Variants in ZNF471 observed in about 807,000 individuals in gnomAD.
ZNF471 encodes zinc finger protein 471, also known as EZFIT-related protein 1.
Under a neutral mutation model 13.7 loss-of-function variants are expected in ZNF471, and 7 were observed. The observed-to-expected ratio is 0.51, with a 90% confidence interval of 0.29 to 0.96. The LOEUF (loss-of-function observed/expected upper bound fraction) is 0.96, where lower values mean the gene tolerates loss of function less well. Ranked by LOEUF, ZNF471 falls within the 40% of genes least tolerant of loss-of-function variation. The pLI, the probability that ZNF471 is intolerant of heterozygous loss-of-function variation, is 0.08. For synonymous variants in ZNF471, 218 were observed against 235.6 expected (o/e 0.93, Z 0.68); for missense variants, 663 against 743.3 (o/e 0.89, Z 1.26).
chr19:56,516,721 A>C lies in ZNF471; in HGVS notation c.160+320A>C, dbSNP rs1432200022. On this transcript the variant is annotated intron_variant, in intron 3 of 4. Transcript: ENST00000308031. This position sits in a 1 kb window ranked among gnomAD's most constrained non-coding sequence, Gnocchi z 4.4. ...TAGACAACAACAAGGTTCACAAAGA[A>C]TATATAGCTAGATTACTATAAATTC... is the stretch of plus-strand genomic sequence containing the variant. 6.6e-6 allele frequency among the ~76,000 whole-genome samples: 1 copy of C among 152,230 alleles called. No homozygotes were observed. Among genetic ancestry groups the C allele is most frequent in the African/African-American group, 2.4e-5 (1 of 41,468 alleles).
chr19:56,519,155 A>G (rs1417271055), intron 4 of ZNF471, among the ~76,000 whole-genome samples: 1 of 152,090 alleles, frequency 6.6e-6, no homozygotes, highest in Non-Finnish European at 1.5e-5. Flanking sequence ...ATACCAAGCT[A>G]CTGAGTCTCT....
rs775460784 is a variant in ZNF471, at chr19:56,508,250, TGTGACA to T, written c.-56+332_-56+337del. ...GTTTCTGTGTGTGTGTGTGTGTGTG[TGTGACA>T]GACCGAGAGTCCAGTGTGAGACCAG... On this transcript the variant is annotated intron_variant, in intron 1 of 4. Transcript: ENST00000308031. This position sits in a 1 kb window ranked among gnomAD's most constrained non-coding sequence, Gnocchi z 4.7. 9,792 of 815,258 alleles carry T rather than the reference TGTGACA, an allele frequency of 0.012. 5 individuals are homozygous for T. Among genetic ancestry groups the T allele is most frequent in the Non-Finnish European group, 0.013 (8,974 of 679,330 alleles). The allele number at this position is 815,258 out of a possible 1,614,324, so 50.5% of individuals were successfully genotyped here.
intron 1 of ZNF471, among the ~76,000 whole-genome samples, chr19:56,511,149 T>G (rs1325020327): frequency 6.6e-6 from 1 of 151,340 alleles, no homozygotes; most frequent in Admixed American, 6.6e-5. Flanking sequence ...GGAGCCAGAT[T>G]TTCAAACAGT....
In ZNF471 at chr19:56,525,141, C is replaced by G; in HGVS notation, c.1074C>G (p.Asn358Lys). The change falls in exon 5 of 5, where the codon AAC becomes AAG. Residue 358 changes from asparagine (N) to lysine (K), a missense_variant. Asn to Lys is a moderately conservative substitution (Grantham distance 94). Transcript: ENST00000308031. ...CIECGKAFRY[N>K]TSFIRHWRSY... ...AGTGTGGGAAGGCTTTTAGGTATAA[C>G]ACATCTTTTATTCGTCACTGGAGGA... The G allele has an allele frequency of 6.2e-7, 1 of 1,614,088 alleles. No individual in the cohort carries two copies. The highest frequency in any genetic ancestry group is 1.7e-5 in the Admixed American group (1 of 60,022).
intron 3 of ZNF471, among the ~76,000 whole-genome samples, chr19:56,518,016 C>A (rs73629924): frequency 6.6e-6 from 1 of 151,916 alleles, no homozygotes; most frequent in African/African-American, 2.4e-5. Context: ...GCAGTGTGAG[C>A]GTCTATTGCT....
rs1198755964 is a variant in ZNF471 at position 56,525,305 on chromosome 19, G to A, written c.1238G>A (p.Ser413Asn). 6.2e-7 allele frequency: 1 copy of A among 1,611,870 alleles called. No homozygotes were observed. Among genetic ancestry groups the A allele is most frequent in the Admixed American group, 1.7e-5 (1 of 59,932 alleles). The change falls in exon 5 of 5, where the codon AGC becomes AAC. Residue 413 changes from serine (S) to asparagine (N), a missense_variant. Coordinates refer to ENST00000308031, the MANE Select transcript of ZNF471 (RefSeq NM_020813.4). ...TGTGGTGTGTGTGGAAAAACCTTCA[G>A]CTCGGGTTCATCCCGTACTGTACAT... ...YKCGVCGKTF[S>N]SGSSRTVHQR...
chr19:56,518,725 G>T, intron 4 of ZNF471, 148 bp downstream of exon 4: 1 of 570,642 alleles, frequency 1.8e-6, no homozygotes, highest in Non-Finnish European at 3.0e-6. Flanking sequence ...TGCTTCACAT[G>T]GGCCCCTCAA....
At chr19:56,523,541 A>G (rs2044001771) in intron 4 of ZNF471, among the ~76,000 whole-genome samples, 1 of 152,190 alleles carries the variant, frequency 6.6e-6, no homozygotes, top group Non-Finnish European at 1.5e-5. Context: ...TCACATTATG[A>G]AAAGATAACC....
chr19:56,520,415 G>A lies in ZNF471; in HGVS notation c.256+1838G>A, dbSNP rs550588679. Among the ~76,000 whole-genome samples the A allele has an allele frequency of 6.6e-5, 10 of 152,288 alleles. No individual in the cohort carries two copies. The South Asian group carries it at 1.2e-3, about 19-fold the overall frequency. On this transcript the variant is annotated intron_variant, in intron 4 of 4. Coordinates refer to ENST00000308031, the MANE Select transcript of ZNF471 (RefSeq NM_020813.4). ...AAAATGTGAGAAAACAGTAGATGAT[G>A]GACTCAGCATTCTGTGTCTTTTTCT... is the stretch of plus-strand genomic sequence containing the variant.
intron 1 of ZNF471, chr19:56,511,039 G>A: frequency 5.1e-6 from 5 of 985,180 alleles, no homozygotes; most frequent in Non-Finnish European, 6.0e-6. Flanking sequence ...GAGTGAAGAA[G>A]GAGGATAACC....
In ZNF471 at chr19:56,526,277, TCCC is replaced by T. The variant is rs2044045740; in HGVS notation, c.*331_*333del. 1 of 222,874 alleles carries T rather than the reference TCCC, an allele frequency of 4.5e-6. No individual in the cohort carries two copies. The highest frequency in any genetic ancestry group is 8.9e-6 in the Non-Finnish European group (1 of 112,460). 13.8% of individuals were successfully genotyped at this position (222,874 alleles called of 1,614,324 possible). On this transcript the variant is annotated 3_prime_UTR_variant, in exon 5 of 5. Transcript: ENST00000308031. ...AAGTGCAAGGAGTCGGGGATCTCCCTCCCCTAGCCAAGGGAAGCCATGAGGGAC... is the reference window on the plus strand; with the variant it reads ...AAGTGCAAGGAGTCGGGGATCTCCCTCTAGCCAAGGGAAGCCATGAGGGAC...
At position 56,518,269 on chromosome 19, in the gene ZNF471, C is replaced by A. The variant is rs139926872; in HGVS notation, c.161-213C>A. ...ATTCAGAAAATGTTGGGCTAAATTT[C>A]TGCCCTCAAGCCCCTCATAAAATAG... On this transcript the variant is annotated intron_variant, in intron 3 of 4. Coordinates refer to ENST00000308031, the MANE Select transcript of ZNF471 (RefSeq NM_020813.4). 1.0e-2 allele frequency among the ~76,000 whole-genome samples: 1,516 copies of A among 152,134 alleles called. 10 individuals carry two copies. Among genetic ancestry groups the A allele is most frequent in the Middle Eastern group, 0.014 (4 of 294 alleles).
In ZNF471 at chr19:56,511,550, A is replaced by T; in HGVS notation, c.-22A>T. On this transcript the variant is annotated 5_prime_UTR_variant, in exon 2 of 5. It introduces an in-frame stop codon into an upstream open reading frame of the 5' UTR. Transcript: ENST00000308031. ...TCCCAAGACACTGTTCTTCAAGAGA[A>T]AGACCAGAAGAGAAGGCAAAAATGA... 2 of 1,613,998 alleles carry T rather than the reference A, an allele frequency of 1.2e-6. 1 individual carries two copies. Among genetic ancestry groups the T allele is most frequent in the South Asian group, 2.2e-5 (2 of 91,040 alleles).
chr19:56,508,253 GACAGAC>G lies in ZNF471; in HGVS notation c.-56+334_-56+339del. ...TCTGTGTGTGTGTGTGTGTGTGTGTGACAGACCGAGAGTCCAGTGTGAGACCAGGGT... is the reference window on the plus strand; with the variant it reads ...TCTGTGTGTGTGTGTGTGTGTGTGTGCGAGAGTCCAGTGTGAGACCAGGGT... On this transcript the variant is annotated intron_variant, in intron 1 of 4. Transcript: ENST00000308031. This position sits in a 1 kb window ranked among gnomAD's most constrained non-coding sequence, Gnocchi z 4.7. The G allele has an allele frequency of 1.9e-6, 1 of 517,170 alleles. No homozygotes were observed. The highest frequency in any genetic ancestry group is 3.5e-5 in the African/African-American group (1 of 28,812). The allele number at this position is 517,170 out of a possible 1,614,324, so 32.0% of individuals were successfully genotyped here. A position where few individuals can be genotyped will look rare whatever the true frequency, so the allele number is the denominator to read the frequency against.
chr19:56,508,252 T>TGA lies in ZNF471; in HGVS notation c.-56+333_-56+334dup, dbSNP rs59346680. On this transcript the variant is annotated intron_variant, in intron 1 of 4. Coordinates refer to ENST00000308031, the MANE Select transcript of ZNF471 (RefSeq NM_020813.4). The surrounding 1 kb of genome is among the most constrained non-coding windows in gnomAD (Gnocchi z 4.7). ...TTCTGTGTGTGTGTGTGTGTGTGTG[T>TGA]GACAGACCGAGAGTCCAGTGTGAGA... is the stretch of plus-strand genomic sequence containing the variant. The TGA allele has an allele frequency of 1.6e-4, 126 of 782,628 alleles. No individual in the cohort carries two copies. The highest frequency in any genetic ancestry group is 1.4e-3 in the African/African-American group (74 of 51,546). The allele number at this position is 782,628 out of a possible 1,614,324, so 48.5% of individuals were successfully genotyped here. A position where few individuals can be genotyped will look rare whatever the true frequency, so the allele number is the denominator to read the frequency against.
chr19:56,524,653 C>T lies in ZNF471; in HGVS notation c.586C>T (p.His196Tyr). 6.3e-7 allele frequency: 1 copy of T among 1,583,626 alleles called. No individual in the cohort carries two copies. The highest frequency in any genetic ancestry group is 1.2e-5 in the South Asian group (1 of 84,716). ...CTCCAAAAATTCTATGGTAATAAAA[C>T]ACAAGAAAGTCTATGTAGGAAAGAA... ...SFSKNSMVIK[H>Y]KKVYVGKKLF... Residue 196 changes from histidine (H) to tyrosine (Y), a missense_variant, in exon 5 of 5, where the codon CAC becomes TAC. By Grantham distance (83) the His-to-Tyr change is moderately conservative. Transcript: ENST00000308031. The surrounding 1 kb of genome is among the most constrained non-coding windows in gnomAD (Gnocchi z 4.8).
Position 56,516,230 on chromosome 19 carries a change from T to C in ZNF471, c.34-45T>C, listed in dbSNP as rs1232189918. The C allele has an allele frequency of 1.2e-6, 2 of 1,600,994 alleles. No homozygotes were observed. The highest frequency in any genetic ancestry group is 1.7e-5 in the Admixed American group (1 of 59,422). ...ACTTTGGATCAACTCAGAGTTATCT[T>C]TGGACACGAGCATTGGTTGGTTAAG... On this transcript the variant is annotated intron_variant, in intron 2 of 4. Transcript: ENST00000308031. The surrounding 1 kb of genome is among the most constrained non-coding windows in gnomAD (Gnocchi z 4.4).
chr19:56,525,419 G>A lies in ZNF471; in HGVS notation c.1352G>A (p.Arg451Lys). 6.2e-7 allele frequency: 1 copy of A among 1,614,170 alleles called. No homozygotes were observed. The highest frequency in any genetic ancestry group is 1.1e-5 in the South Asian group (1 of 91,068). The change falls in exon 5 of 5, where the codon AGA (arginine) becomes AAA (lysine). Residue 451 changes from arginine to lysine, a missense_variant. Transcript: ENST00000308031. ...SHHASLTQHQRVHSGEKPYEC... is the reference protein window; with the variant it reads ...SHHASLTQHQKVHSGEKPYEC... ...CATGCATCACTCACTCAGCATCAAA[G>A]AGTACATTCTGGAGAGAAACCGTAT...
At position 56,526,050 on chromosome 19, in the gene ZNF471, A is replaced by G; in HGVS notation, c.*102A>G. 1 of 1,296,492 alleles carries G rather than the reference A, an allele frequency of 7.7e-7. No individual in the cohort carries two copies. Among genetic ancestry groups the G allele is most frequent in the South Asian group, 1.6e-5 (1 of 61,436 alleles). The allele number at this position is 1,296,492 out of a possible 1,614,324, so 80.3% of individuals were successfully genotyped here. A position where few individuals can be genotyped will look rare whatever the true frequency, so the allele number is the denominator to read the frequency against. ...AAACATATAAATGTAAGAAATGTAG[A>G]AAAACCTTCAGCCAGGAGGCTGGCA... is the stretch of plus-strand genomic sequence containing the variant. On this transcript the variant is annotated 3_prime_UTR_variant, in exon 5 of 5. Coordinates refer to ENST00000308031, the MANE Select transcript of ZNF471 (RefSeq NM_020813.4).
Sources: allele counts gnomAD v4.1 joint callset (sites outside exome capture counted in the v4.1 genomes callset), GRCh38; gene constraint gnomAD v4.1.1; non-coding constraint Gnocchi (gnomAD v3.1); transcripts MANE v1.5; gene names NCBI Gene and HGNC (gene_info 2026-07-23, HGNC 2026-07-21).